AFMID: variants seen among roughly 807,000 people sequenced by gnomAD.
AFMID encodes kynurenine formamidase.
In AFMID, 39 loss-of-function variants were observed where a neutral mutation model predicts 47.5. That is an observed-to-expected ratio of 0.82 (90% CI 0.64 to 1.07). AFMID has a LOEUF of 1.07. AFMID is among the 50% of genes least tolerant of loss of function. AFMID has a pLI of 0.00. For synonymous variants in AFMID, 130 were observed against 153.2 expected (o/e 0.85, Z 1.12); for missense variants, 375 against 387.5 (o/e 0.97, Z 0.27).
At chr17:78,195,438 G>T (rs189249702) in intron 2 of AFMID, among the ~76,000 whole-genome samples, 6 of 151,510 alleles carry the variant, frequency 4.0e-5, no homozygotes, top group African/African-American at 9.7e-5. Flanking sequence ...CAGGTGATCC[G>T]CCTGCCTCGA....
rs768630209 is a variant in AFMID at position 78,201,738 on chromosome 17, C to CT, written c.155-751dup. On this transcript the variant is annotated intron_variant, in intron 2 of 10. Transcript: ENST00000409257. ...GTTGACAGACGTCAGGACTGGCAGT[C>CT]TTTTTTTTTTGAGTTGGCGTCTCGC... Among the ~76,000 whole-genome samples, 1,382 of 149,346 alleles carry CT rather than the reference C, an allele frequency of 9.3e-3. 10 individuals are homozygous for CT. Among genetic ancestry groups the CT allele is most frequent in the Middle Eastern group, 0.034 (10 of 294 alleles).
rs768994801 is a variant in AFMID, at chr17:78,202,758, C to T, written c.308+7C>T. The T allele has an allele frequency of 2.1e-5, 33 of 1,555,440 alleles. No individual in the cohort carries two copies. Among genetic ancestry groups the T allele is most frequent in the South Asian group, 1.8e-4 (15 of 84,322 alleles). Reference sequence around the variant, plus strand: ...GATACTGGCAGAGCGGAAGGTGAGTCGGGGGATGTGGATGGTGGACTGCAA... The same window carrying T: ...GATACTGGCAGAGCGGAAGGTGAGTTGGGGGATGTGGATGGTGGACTGCAA... On this transcript the variant is annotated splice_region_variant and intron_variant, in intron 4 of 10. Coordinates refer to ENST00000409257, the MANE Select transcript of AFMID (RefSeq NM_001010982.5).
At chr17:78,192,682 A>G (rs887347318) in intron 2 of AFMID, 2 of 470,458 alleles carry the variant, frequency 4.3e-6, no homozygotes, top group Non-Finnish European at 8.8e-6. Context: ...CTTAAGGTCC[A>G]TTTCCATCTC....
chr17:78,205,725 G>A lies in AFMID; in HGVS notation c.767G>A (p.Trp256Ter). 6.2e-7 allele frequency: 1 copy of A among 1,609,988 alleles called. No homozygotes were observed. Among genetic ancestry groups the A allele is most frequent in the Non-Finnish European group, 8.5e-7 (1 of 1,180,014 alleles). Residue 256 changes from tryptophan to a stop codon, truncating the protein, a stop_gained, in exon 9 of 11, where the codon TGG (tryptophan) becomes TAG (stop). Transcript: ENST00000409257. LOFTEE classifies it high-confidence loss of function. ...FDSPEFHRQS[W>*]EFYQTLCQGE... ...TCCCCCGAATTCCACCGACAGTCCTGGGAGTTTTACCAGGTACTCCCAGTG... is the reference window on the plus strand; with the variant it reads ...TCCCCCGAATTCCACCGACAGTCCTAGGAGTTTTACCAGGTACTCCCAGTG...
At chr17:78,192,688 A>G (rs1006004160) in intron 2 of AFMID, 3 of 470,244 alleles carry the variant, frequency 6.4e-6, no homozygotes, top group East Asian at 1.4e-4. Context: ...GTCCATTTCC[A>G]TCTCTACCCT....
chr17:78,206,783 C>A, intron 10 of AFMID, 128 bp from the exon 11 acceptor site: 1 of 916,746 alleles, frequency 1.1e-6, no homozygotes, highest in Non-Finnish European at 1.7e-6. Context: ...CTTCCCACCT[C>A]AGCCTCCCGA....
chr17:78,205,042 G>A (rs1320906879), intron 6 of AFMID, 51 bp from the exon 7 acceptor site: 2 of 1,572,702 alleles, frequency 1.3e-6, no homozygotes, highest in Admixed American at 1.8e-5. Context: ...GGGGCCTGAT[G>A]TTGTGGGGAA....
intron 2 of AFMID, among the ~76,000 whole-genome samples, chr17:78,201,291 C>T (rs1001053959): frequency 1.4e-5 from 2 of 143,666 alleles, no homozygotes; most frequent in African/African-American, 5.1e-5. Flanking sequence ...AAGACTCCGT[C>T]GCAAAAAAAA....
rs954992863 is a variant in AFMID at position 78,188,977 on chromosome 17, C to T, written c.63+1544C>T. Among the ~76,000 whole-genome samples, 8 of 152,086 alleles carry T rather than the reference C, an allele frequency of 5.3e-5. No homozygotes were observed. The South Asian group carries it at 1.7e-3, about 32-fold the overall frequency. On this transcript the variant is annotated intron_variant, in intron 1 of 10. Coordinates refer to ENST00000409257, the MANE Select transcript of AFMID (RefSeq NM_001010982.5). ...GAACTCCTGGCCTCAAGTGATCCAC[C>T]CGCCTCGGCCTCCCAAAGTGCTGAG... is the stretch of plus-strand genomic sequence containing the variant.
chr17:78,187,882 G>A (rs1306475194), intron 1 of AFMID, among the ~76,000 whole-genome samples: 4 of 149,700 alleles, frequency 2.7e-5, no homozygotes, highest in Admixed American at 6.7e-5. Flanking sequence ...AACCCAGGAG[G>A]TGGAGGTTGC....
chr17:78,193,223 T>G (rs1256106812), intron 2 of AFMID, among the ~76,000 whole-genome samples: 1 of 151,540 alleles, frequency 6.6e-6, no homozygotes, highest in South Asian at 2.1e-4. Context: ...TATAAAAAAT[T>G]AGCCAGGCAT....
chr17:78,207,240 CA>C lies in AFMID; in HGVS notation c.*306del. ...CCATCTACCTGCTGACAGAGCATGACAAAGATGACGCTCAAAAGTAATGCCA... is the reference window on the plus strand; with the variant it reads ...CCATCTACCTGCTGACAGAGCATGACAAGATGACGCTCAAAAGTAATGCCA... On this transcript the variant is annotated 3_prime_UTR_variant, in exon 11 of 11. Transcript: ENST00000409257. The C allele has an allele frequency of 3.8e-6, 1 of 259,860 alleles. No homozygotes were observed. The highest frequency in any genetic ancestry group is 7.1e-6 in the Non-Finnish European group (1 of 140,794). The allele number at this position is 259,860 out of a possible 1,614,324, so 16.1% of individuals were successfully genotyped here.
chr17:78,192,113 C>T (rs1441209350), intron 2 of AFMID, among the ~76,000 whole-genome samples: 1 of 151,990 alleles, frequency 6.6e-6, no homozygotes, highest in African/African-American at 2.4e-5. Flanking sequence ...CTTCTCCTGC[C>T]TCAGCTTCCT....
chr17:78,204,865 C>G lies in AFMID; in HGVS notation c.432C>G (p.Ser144Arg). 6.2e-7 allele frequency: 1 copy of G among 1,614,212 alleles called. No individual in the cohort carries two copies. The highest frequency in any genetic ancestry group is 8.5e-7 in the Non-Finnish European group (1 of 1,180,046). ...ACATGGTAGACCAGGTGACCCGCAGCGTTGCGTTTGTCCAGAAGCGGTATC... is the reference window on the plus strand; with the variant it reads ...ACATGGTAGACCAGGTGACCCGCAGGGTTGCGTTTGTCCAGAAGCGGTATC... ...LDHMVDQVTR[S>R]VAFVQKRYPS... Residue 144 changes from serine (S) to arginine (R), a missense_variant, in exon 6 of 11, where the codon AGC becomes AGG. Ser to Arg is a moderately radical substitution (Grantham distance 110). Transcript: ENST00000409257.
intron 1 of AFMID, among the ~76,000 whole-genome samples, chr17:78,189,219 C>CTTTTTTT (rs770863206): frequency 2.4e-5 from 3 of 122,722 alleles, no homozygotes; most frequent in Non-Finnish European, 3.3e-5. Context: ...TTCCTTGTTA[C>CTTTTTTT]TTTTTTTTTT....
intron 2 of AFMID, among the ~76,000 whole-genome samples, chr17:78,193,598 G>T (rs190192376): frequency 2.6e-5 from 4 of 151,760 alleles, no homozygotes; most frequent in Non-Finnish European, 5.9e-5. Flanking sequence ...TGTAATCCCA[G>T]TACTGTGGGA....
chr17:78,191,189 C>T, intron 2 of AFMID, 129 bp downstream of exon 2: 1 of 777,170 alleles, frequency 1.3e-6, no homozygotes, highest in Non-Finnish European at 2.1e-6. Context: ...AAACACCAGG[C>T]ACTTTATAAA....
intron 2 of AFMID, 120 bp from the exon 3 acceptor site, chr17:78,202,379 A>C (rs2076266778): frequency 1.1e-6 from 1 of 914,268 alleles, no homozygotes; most frequent in Middle Eastern, 2.6e-4. Context: ...CAGTGAGCCG[A>C]GATCGCGCCA....
At chr17:78,201,723 G>A (rs2076247092) in intron 2 of AFMID, among the ~76,000 whole-genome samples, 1 of 152,082 alleles carries the variant, frequency 6.6e-6, no homozygotes, top group African/African-American at 2.4e-5. Flanking sequence ...GTTGACAGAC[G>A]TCAGGACTGG....
Sources: gnomAD v4.1 joint callset for allele counts (sites outside exome capture counted in the v4.1 genomes callset) on GRCh38, gnomAD v4.1.1 for gene constraint, MANE v1.5 for transcripts, NCBI Gene and HGNC (gene_info 2026-07-23, HGNC 2026-07-21) for gene names.